Variants in TBC1D9 observed in about 807,000 individuals in gnomAD.
The protein encoded by TBC1D9 is TBC1 domain family member 9.
In TBC1D9, 63 loss-of-function variants were observed where a neutral mutation model predicts 132.0. The observed-to-expected ratio is 0.48, with a 90% CI of 0.39 to 0.59. The LOEUF is 0.59. Ranked by LOEUF, TBC1D9 falls within the 20% of genes least tolerant of loss-of-function variation. The pLI is 0.00. For missense variants in TBC1D9, 1,261 were observed against 1,592.7 expected (o/e 0.79, Z 3.54); for synonymous variants, 610 against 609.9 (o/e 1.00, Z 0.00).
At chr4:140,644,000 C>T (rs1340016102) in intron 13 of TBC1D9, 2 of 527,474 alleles carry the variant, frequency 3.8e-6, no homozygotes, top group East Asian at 4.1e-5. Context: ...CCTCCCGCAG[C>T]GGCTCTGGGA....
intron 13 of TBC1D9, among the ~76,000 whole-genome samples, chr4:140,641,373 A>G (rs965141722): frequency 1.3e-5 from 2 of 151,950 alleles, no homozygotes; most frequent in Non-Finnish European, 1.5e-5. Flanking sequence ...ATCAATACCT[A>G]CTCCCCAGGA....
intron 13 of TBC1D9, among the ~76,000 whole-genome samples, chr4:140,639,634 C>T (rs11932511): frequency 0.81 from 123,689 of 152,196 alleles, 50,583 homozygotes; most frequent in African/African-American, 0.9. Flanking sequence ...AGCTCAGCAG[C>T]TGAATTAAAT....
At chr4:140,664,899 G>A (rs1478071643) in intron 9 of TBC1D9, among the ~76,000 whole-genome samples, 3 of 152,108 alleles carry the variant, frequency 2.0e-5, no homozygotes, top group Admixed American at 2.0e-4. Context: ...ACGAGGTCAG[G>A]AGTTTGAGAC....
At chr4:140,679,450 T>C (rs1336991031) in intron 4 of TBC1D9, among the ~76,000 whole-genome samples, 165 bp downstream of exon 4, 1 of 152,098 alleles carries the variant, frequency 6.6e-6, no homozygotes, top group Non-Finnish European at 1.5e-5. Flanking sequence ...TTAGTGACCA[T>C]TTTGAACTGA....
intron 16 of TBC1D9, among the ~76,000 whole-genome samples, chr4:140,630,562 C>T (rs769626448): frequency 2.6e-5 from 4 of 152,148 alleles, no homozygotes; most frequent in Non-Finnish European, 5.9e-5. Flanking sequence ...TGTTAGTCTG[C>T]CATTTTCGTG....
At chr4:140,661,862 T>G in intron 10 of TBC1D9, 31 bp downstream of exon 10, 3 of 1,560,632 alleles carry the variant, frequency 1.9e-6, no homozygotes, top group Non-Finnish European at 2.6e-6. Flanking sequence ...TTTATTTTAT[T>G]TTTTTAGCAA....
chr4:140,651,376 T>A (rs1737185236), intron 13 of TBC1D9, among the ~76,000 whole-genome samples: 2 of 152,134 alleles, frequency 1.3e-5, no homozygotes, highest in African/African-American at 4.8e-5. Context: ...GCTGGAAGGA[T>A]GGCTTGAGCC....
chr4:140,719,408 A>G (rs959760858), intron 1 of TBC1D9, among the ~76,000 whole-genome samples: 3 of 152,228 alleles, frequency 2.0e-5, no homozygotes, highest in Non-Finnish European at 1.5e-5. Context: ...ATTTTGGAGC[A>G]GGGAAGGAGC....
At chr4:140,647,265 A>G (rs1250900167) in intron 13 of TBC1D9, among the ~76,000 whole-genome samples, 4 of 152,198 alleles carry the variant, frequency 2.6e-5, no homozygotes, top group Admixed American at 6.5e-5. Flanking sequence ...TGGGCAAACC[A>G]AGGCTTGGAG....
rs370035087 is a variant in TBC1D9 at position 140,624,295 on chromosome 4, T to C, written c.2974+19A>G. On this transcript the variant is annotated intron_variant, in intron 19 of 20. Coordinates refer to ENST00000442267, the MANE Select transcript of TBC1D9 (RefSeq NM_015130.3). ...TACAACCAGCAAGAAGGTAAACATA[T>C]AGAAGAGAATATCCTTACCTTTGTC... 2.1e-5 allele frequency: 34 copies of C among 1,613,056 alleles called. No individual in the cohort carries two copies. The highest frequency in any genetic ancestry group is 2.9e-5 in the Non-Finnish European group (34 of 1,179,466).
intron 13 of TBC1D9, among the ~76,000 whole-genome samples, chr4:140,645,932 G>C (rs1202850781): frequency 6.6e-6 from 1 of 152,182 alleles, no homozygotes; most frequent in Non-Finnish European, 1.5e-5. Flanking sequence ...TAAACGCTCA[G>C]AGAAACAGTA....
intron 13 of TBC1D9, chr4:140,644,860 G>A (rs1335022645): frequency 4.7e-6 from 2 of 429,024 alleles, no homozygotes; most frequent in Non-Finnish European, 4.6e-6. Flanking sequence ...CAGCTGGCCC[G>A]ACTGGGAGTC....
At chr4:140,700,212 G>C (rs1185749056) in intron 2 of TBC1D9, among the ~76,000 whole-genome samples, 2 of 152,244 alleles carry the variant, frequency 1.3e-5, no homozygotes, top group East Asian at 3.9e-4. Flanking sequence ...CACTTTGGGA[G>C]GTTGAGGGGG....
chr4:140,668,585 G>GA (rs1198620720), intron 9 of TBC1D9, among the ~76,000 whole-genome samples: 2 of 152,036 alleles, frequency 1.3e-5, no homozygotes, highest in Non-Finnish European at 2.9e-5. Context: ...GCTGGGCAAG[G>GA]AAAAAAGAAC....
intron 1 of TBC1D9, among the ~76,000 whole-genome samples, chr4:140,718,621 T>C (rs1333961675): frequency 1.3e-5 from 2 of 152,124 alleles, no homozygotes; most frequent in Admixed American, 6.5e-5. Context: ...TTCCAGAAGA[T>C]CACCAGGGAA....
intron 3 of TBC1D9, 73 bp downstream of exon 3, chr4:140,686,271 A>T (rs1488067386): frequency 9.9e-7 from 1 of 1,007,958 alleles, no homozygotes; most frequent in East Asian, 2.4e-5. Context: ...GTTTTACTCA[A>T]TTCTTATTTT....
intron 10 of TBC1D9, 90 bp downstream of exon 10, chr4:140,661,803 T>C: frequency 8.9e-7 from 1 of 1,123,220 alleles, no homozygotes; most frequent in East Asian, 2.6e-5. Context: ...GATAGTTCTG[T>C]TAACCATAAA....
chr4:140,679,255 C>G, intron 4 of TBC1D9, 52 bp from the exon 5 acceptor site: 1 of 1,568,780 alleles, frequency 6.4e-7, no homozygotes, highest in Non-Finnish European at 8.6e-7. Flanking sequence ...AAAACGCTTT[C>G]AAGATATTGC....
chr4:140,694,565 T>G, intron 2 of TBC1D9, among the ~76,000 whole-genome samples: 1 of 135,412 alleles, frequency 7.4e-6, no homozygotes. Flanking sequence ...AGTAAGACCC[T>G]GTCTCAAAAA....
Sources: allele counts gnomAD v4.1 joint callset (sites outside exome capture counted in the v4.1 genomes callset), GRCh38; gene constraint gnomAD v4.1.1; transcripts MANE v1.5; gene names NCBI Gene and HGNC (gene_info 2026-07-23, HGNC 2026-07-21).